The following MILR1 variants were observed in gnomAD, a reference collection of about 807,000 sequenced individuals.
The protein encoded by MILR1 is allergin-1.
Under a neutral mutation model 18.5 loss-of-function variants are expected in MILR1, and 31 were observed. That is an observed-to-expected ratio of 1.68 (90% CI 1.26 to 2.26). The LOEUF (loss-of-function observed/expected upper bound fraction) is 2.26, where lower values mean the gene tolerates loss of function less well. Ranked by LOEUF, MILR1 falls within the 30% of genes most tolerant of loss-of-function variation. MILR1 has a pLI of 0.00. For synonymous variants in MILR1, 85 were observed against 56.2 expected (o/e 1.51, Z -2.30); for missense variants, 257 against 157.4 (o/e 1.63, Z -3.38).
At chr17:64,466,741 C>T in intron 8 of MILR1, 79 bp downstream of exon 8, 2 of 1,247,714 alleles carry the variant, frequency 1.6e-6, no homozygotes, top group Non-Finnish European at 2.3e-6. Flanking sequence ...TCAGGGGCTT[C>T]AGGAGCCCGT....
intron 3 of MILR1, among the ~76,000 whole-genome samples, chr17:64,455,444 T>C (rs2037269701): frequency 3.9e-5 from 6 of 151,964 alleles, no homozygotes; most frequent in Non-Finnish European, 1.5e-5. Context: ...TAATCACTGA[T>C]TCACTCATCA....
At chr17:64,491,000 A>ATATTTAAATTAGTGTT in the MILR1 span, 1 of 1,528,592 alleles carries the variant, frequency 6.5e-7, no homozygotes, top group Non-Finnish European at 9.1e-7. Context: ...TTGTCTTAAC[A>ATATTTAAATTAGTGTT]TATTTAAATA....
At chr17:64,483,019 G>A in the MILR1 span, 3 of 1,307,740 alleles carry the variant, frequency 2.3e-6, no homozygotes, top group Non-Finnish European at 3.3e-6. Flanking sequence ...TTAAATGGGG[G>A]AGGGAGAAGA....
intron 6 of MILR1, among the ~76,000 whole-genome samples, chr17:64,466,019 C>G (rs1048594944): frequency 2.0e-5 from 3 of 152,088 alleles, no homozygotes; most frequent in Non-Finnish European, 2.9e-5. Context: ...TTTAATTGAC[C>G]CACAGTTCCG....
chr17:64,492,826 A>G, the MILR1 span: 1 of 1,601,970 alleles, frequency 6.2e-7, no homozygotes, highest in Non-Finnish European at 8.6e-7. Flanking sequence ...TATATAATTT[A>G]TCCCAAGTGG....
At chr17:64,488,179 C>T in the MILR1 span, among the ~76,000 whole-genome samples, 1 of 152,054 alleles carries the variant, frequency 6.6e-6, no homozygotes, top group Admixed American at 6.5e-5. Flanking sequence ...GCCTGAGCAA[C>T]ACAGCGAGAC....
rs1200065952 is a variant in MILR1, at chr17:64,454,276, G to A, written c.367+1410G>A. 5.3e-5 allele frequency among the ~76,000 whole-genome samples: 8 copies of A among 152,218 alleles called. No homozygotes were observed. The South Asian group carries it at 6.2e-4, about 12-fold the overall frequency. ...TATGTCACCCAGGCTGGAGTGCAGAGGCTACTCACAGGCAATCAAAGCCCA... is the reference window on the plus strand; with the variant it reads ...TATGTCACCCAGGCTGGAGTGCAGAAGCTACTCACAGGCAATCAAAGCCCA... On this transcript the variant is annotated intron_variant, in intron 3 of 9. Coordinates refer to ENST00000619286, the MANE Select transcript of MILR1 (RefSeq NM_001085423.2).
chr17:64,488,870 A>G, the MILR1 span, among the ~76,000 whole-genome samples: 7 of 152,178 alleles, frequency 4.6e-5, no homozygotes, highest in African/African-American at 1.7e-4. Context: ...CAGGAGGCTG[A>G]GGCAGAAGAA....
the MILR1 span, chr17:64,496,585 C>T: frequency 6.2e-7 from 1 of 1,613,636 alleles, no homozygotes. Flanking sequence ...GGAGGGCGTC[C>T]ACCGGGAATA....
At chr17:64,494,057 A>T in the MILR1 span, among the ~76,000 whole-genome samples, 1 of 152,342 alleles carries the variant, frequency 6.6e-6, no homozygotes, top group East Asian at 1.9e-4. Flanking sequence ...AATATCTTTT[A>T]CTGTTCTCTT....
chr17:64,452,461 C>A (rs1280686425), intron 2 of MILR1, 136 bp from the exon 3 acceptor site: 1 of 397,306 alleles, frequency 2.5e-6, no homozygotes, highest in Non-Finnish European at 4.5e-6. Flanking sequence ...CCATGTTGCC[C>A]AGACTGGTAT....
At chr17:64,473,000 C>T (rs548109808), downstream of MILR1, among the ~76,000 whole-genome samples, 1 of 152,238 alleles carries the variant, frequency 6.6e-6, no homozygotes, top group East Asian at 1.9e-4. Flanking sequence ...CATGTGTGGT[C>T]GACTTTTTGG....
At chr17:64,463,703 C>T (rs1054112230) in intron 5 of MILR1, among the ~76,000 whole-genome samples, 4 of 151,560 alleles carry the variant, frequency 2.6e-5, no homozygotes, top group African/African-American at 9.7e-5. Context: ...AGAGATGGGG[C>T]TTCACTGTGT....
intron 8 of MILR1, among the ~76,000 whole-genome samples, chr17:64,467,012 TTTTCTTTCTTTCTCTTTCTTTC>T (rs1358571361): frequency 4.1e-5 from 6 of 147,170 alleles, no homozygotes; most frequent in Admixed American, 4.0e-4. Context: ...TATTTTTTCT[TTTTCTTTCTTTCTCTTTCTTTC>T]TTTCTTTCTT....
At chr17:64,474,377 A>T in the MILR1 span, among the ~76,000 whole-genome samples, 1 of 150,124 alleles carries the variant, frequency 6.7e-6, no homozygotes, top group African/African-American at 2.5e-5. Flanking sequence ...GCCCGGCCTT[A>T]TTTTTTATTT....
At chr17:64,453,527 C>G (rs1006801077) in intron 3 of MILR1, among the ~76,000 whole-genome samples, 17 of 140,334 alleles carry the variant, frequency 1.2e-4, no homozygotes, top group Non-Finnish European at 2.3e-4. Flanking sequence ...ATTGTGTGGG[C>G]AAAAATCGCT....
chr17:64,468,712 C>A, downstream of MILR1: 1 of 749,792 alleles, frequency 1.3e-6, no homozygotes, highest in Non-Finnish European at 1.6e-6. Flanking sequence ...TGATCTTTTC[C>A]ACTGGTCAGC....
At chr17:64,491,706 A>C in the MILR1 span, 9 of 1,002,158 alleles carry the variant, frequency 9.0e-6, no homozygotes, top group Non-Finnish European at 1.4e-5. Flanking sequence ...GGGGTTTACC[A>C]TGGTGCTGGC....
intron 3 of MILR1, among the ~76,000 whole-genome samples, chr17:64,456,292 A>G (rs11655899): frequency 0.017 from 2,656 of 151,858 alleles, 45 homozygotes; most frequent in Non-Finnish European, 0.027. Context: ...TTCCTTTCCT[A>G]TAATACTGTC....
Sources: gnomAD v4.1 joint callset for allele counts (sites outside exome capture counted in the v4.1 genomes callset) on GRCh38, gnomAD v4.1.1 for gene constraint, MANE v1.5 for transcripts, NCBI Gene and HGNC (gene_info 2026-07-23, HGNC 2026-07-21) for gene names.